The following TNS1 variants were observed in gnomAD, a reference collection of about 807,000 sequenced individuals.
TNS1 encodes tensin 1.
TNS1 carries 62 observed loss-of-function variants against 168.6 expected under a neutral mutation model. The ratio of observed to expected loss-of-function variants is 0.37; its 90% CI spans 0.30 to 0.45. The LOEUF (loss-of-function observed/expected upper bound fraction) is 0.45, where lower values mean the gene tolerates loss of function less well. TNS1 is among the 20% of genes least tolerant of loss of function. TNS1 has a pLI of 1.00. For synonymous variants in TNS1, 934 were observed against 933.2 expected (o/e 1.00, Z -0.02); for missense variants, 2,240 against 2,339.4 (o/e 0.96, Z 0.88).
chr2:217,903,495 T>C (rs1953267844), intron 6 of TNS1: 1 of 1,406,842 alleles, frequency 7.1e-7, no homozygotes, highest in African/African-American at 1.4e-5. Context: ...CAAATCACCT[T>C]ACCCAAATGG....
intron 12 of TNS1, among the ~76,000 whole-genome samples, chr2:217,887,422 C>A (rs1951315507): frequency 6.6e-6 from 1 of 152,208 alleles, no homozygotes; most frequent in Non-Finnish European, 1.5e-5. Flanking sequence ...GATTCTCCTG[C>A]CTCAGCCTCC....
At position 217,895,022 on chromosome 2, in the gene TNS1, G is replaced by A. The variant is rs140507959; in HGVS notation, c.578C>T (p.Thr193Met). Residue 193 changes from threonine (T) to methionine (M), a missense_variant, in exon 9 of 33, where the codon ACG becomes ATG. Thr to Met is a moderately conservative substitution (Grantham distance 81). Around this residue, in one of 2 missense-constraint regions of TNS1, gnomAD observed 2,131 missense variants for 2,171.2 expected, o/e 0.98. Coordinates refer to ENST00000682258, the MANE Select transcript of TNS1 (RefSeq NM_001387777.1). Reference protein sequence around the residue: ...FNLSERRPDITKLHAKVLEFG... With the variant: ...FNLSERRPDIMKLHAKVLEFG... ...CTGGCTCACCTTGGCATGGAGCTTC[G>A]TGATGTCAGGTCTCCGCTCAGAGAG... 1.1e-3 allele frequency: 1,849 copies of A among 1,612,722 alleles called. 4 individuals carry two copies. The highest frequency in any genetic ancestry group is 1.3e-3 in the Non-Finnish European group (1,528 of 1,179,530).
chr2:217,979,049 C>T, intron 2 of TNS1: 1 of 483,880 alleles, frequency 2.1e-6, no homozygotes, highest in Middle Eastern at 5.7e-4. Flanking sequence ...GAGCCAGAGC[C>T]CCTCCGGGTG....
At chr2:217,921,890 G>C (rs1955728610) in intron 3 of TNS1, among the ~76,000 whole-genome samples, 1 of 152,182 alleles carries the variant, frequency 6.6e-6, no homozygotes, top group Non-Finnish European at 1.5e-5. Context: ...CGGTGCGCGG[G>C]GCATGGATGG....
At chr2:217,870,824 C>T (rs913789488) in intron 18 of TNS1, among the ~76,000 whole-genome samples, 1 of 152,184 alleles carries the variant, frequency 6.6e-6, no homozygotes, top group African/African-American at 2.4e-5. Context: ...GCTAAGGGTC[C>T]GAGGGCATTG....
chr2:218,012,736 A>G (rs902494833), upstream of TNS1, among the ~76,000 whole-genome samples: 1 of 152,096 alleles, frequency 6.6e-6, no homozygotes, highest in African/African-American at 2.4e-5. Flanking sequence ...TTTCGTCACC[A>G]AGGGAGGTCA....
At chr2:217,967,047 C>T (rs1050003934) in intron 3 of TNS1, among the ~76,000 whole-genome samples, 6 of 152,170 alleles carry the variant, frequency 3.9e-5, no homozygotes, top group East Asian at 1.9e-4. Flanking sequence ...AGGCCGGGTG[C>T]GGTGGCTCAC....
intron 3 of TNS1, among the ~76,000 whole-genome samples, chr2:217,966,565 C>T (rs1212846118): frequency 1.3e-5 from 2 of 152,090 alleles, no homozygotes; most frequent in Non-Finnish European, 2.9e-5. Context: ...GCTCCACAAG[C>T]GCTGCCAGGG....
At position 217,804,289 on chromosome 2, in the gene TNS1, T is replaced by TCTCTCC; in HGVS notation, c.*169_*170insGGAGAG. The stretch of plus-strand genomic sequence containing the variant: ...CTCTCTCTCTCTCTCTCTCTCTCTC[T>TCTCTCC]TTTCCCCCTCCCCTCTGCAATTCAC... On this transcript the variant is annotated 3_prime_UTR_variant, in exon 33 of 33. Coordinates refer to ENST00000682258, the MANE Select transcript of TNS1 (RefSeq NM_001387777.1). 1 of 700,770 alleles carries TCTCTCC rather than the reference T, an allele frequency of 1.4e-6. No homozygotes were observed. Among genetic ancestry groups the TCTCTCC allele is most frequent in the Non-Finnish European group, 2.3e-6 (1 of 427,676 alleles). The allele number at this position is 700,770 out of a possible 1,614,324, so 43.4% of individuals were successfully genotyped here.
intron 8 of TNS1, among the ~76,000 whole-genome samples, chr2:217,895,312 C>T (rs997460828): frequency 2.0e-5 from 3 of 152,162 alleles, no homozygotes; most frequent in African/African-American, 4.8e-5. Flanking sequence ...TCTATCCATA[C>T]GTGAACATGC....
intron 3 of TNS1, among the ~76,000 whole-genome samples, chr2:217,927,602 G>A (rs1354441188): frequency 6.6e-6 from 1 of 152,092 alleles, no homozygotes; most frequent in Non-Finnish European, 1.5e-5. Flanking sequence ...GGAGAAAGTG[G>A]GGGAGAAGAG....
chr2:217,822,067 G>A, intron 22 of TNS1, 129 bp from the exon 23 acceptor site: 1 of 1,033,178 alleles, frequency 9.7e-7, no homozygotes, highest in Non-Finnish European at 1.4e-6. Flanking sequence ...GCCCCCAAAG[G>A]ACAGGCAGGG....
intron 18 of TNS1, among the ~76,000 whole-genome samples, chr2:217,860,971 T>C (rs1948725907): frequency 6.6e-6 from 1 of 152,048 alleles, no homozygotes; most frequent in Non-Finnish European, 1.5e-5. Flanking sequence ...AGAACCCCGA[T>C]CCCCTGGCTC....
intron 3 of TNS1, among the ~76,000 whole-genome samples, chr2:217,949,205 T>C (rs1957185257): frequency 6.6e-6 from 1 of 152,264 alleles, no homozygotes; most frequent in South Asian, 2.1e-4. Context: ...TCTCCTCATC[T>C]GATGGCCTTA....
At chr2:217,920,563 A>ATTT (rs35026780) in intron 3 of TNS1, among the ~76,000 whole-genome samples, 2,299 of 135,892 alleles carry the variant, frequency 0.017, 66 homozygotes, top group African/African-American at 0.058. Flanking sequence ...AAGAAGAAGG[A>ATTT]TTTTTTTTTT....
intron 3 of TNS1, among the ~76,000 whole-genome samples, chr2:217,963,889 C>CAAAAAAAAAAAAAAA (rs58953604): frequency 2.4e-5 from 3 of 126,388 alleles, no homozygotes; most frequent in African/African-American, 9.0e-5. Flanking sequence ...ACTAAAAATA[C>CAAAAAAAAAAAAAAA]AAAAAAAAAA....
chr2:217,823,739 G>A (rs1389109230), intron 22 of TNS1, among the ~76,000 whole-genome samples: 2 of 152,232 alleles, frequency 1.3e-5, no homozygotes, highest in African/African-American at 4.8e-5. Context: ...GGACAAGGCT[G>A]GGGCAGTTTG....
At chr2:217,950,850 C>T (rs931383626) in intron 3 of TNS1, among the ~76,000 whole-genome samples, 39 of 151,788 alleles carry the variant, frequency 2.6e-4, no homozygotes, top group African/African-American at 9.0e-4. Flanking sequence ...GTTTACCCCT[C>T]GGCTCACTTT....
At position 217,956,524 on chromosome 2, in the gene TNS1, G is replaced by A. The variant is rs369119513; in HGVS notation, c.186+22241C>T. ...GCGGGGAGAGGATGGAGACACAGGC[G>A]CTGGAAAGTCCTGTGGGATCCTGGT... On this transcript the variant is annotated intron_variant, in intron 3 of 32. Transcript: ENST00000682258. Among the ~76,000 whole-genome samples the A allele has an allele frequency of 7.2e-5, 11 of 152,308 alleles. No individual in the cohort carries two copies. The East Asian group carries it at 1.3e-3, about 19-fold the overall frequency.
Sources: allele counts gnomAD v4.1 joint callset (sites outside exome capture counted in the v4.1 genomes callset), GRCh38; gene constraint gnomAD v4.1.1; regional missense constraint gnomAD v4.1.1; transcripts MANE v1.5; gene names NCBI Gene and HGNC (gene_info 2026-07-23, HGNC 2026-07-21).